Variants in GTPBP8 observed in about 807,000 individuals in gnomAD.
GTPBP8 encodes GTP binding protein 8, also known as GTP-binding protein 8.
GTPBP8 carries 21 observed loss-of-function variants against 27.3 expected under a neutral mutation model. The observed-to-expected ratio is 0.77, with a 90% CI of 0.55 to 1.11. The LOEUF (loss-of-function observed/expected upper bound fraction) is 1.11. Among genes scored for constraint, GTPBP8 ranks in the 50% least tolerant of loss-of-function variants. The pLI is 0.00. For synonymous variants in GTPBP8, 147 were observed against 135.3 expected (o/e 1.09, Z -0.60); for missense variants, 380 against 350.8 (o/e 1.08, Z -0.67).
In GTPBP8 at chr3:112,991,349, C is replaced by CT; in HGVS notation, c.336+15dup. 1 of 1,610,732 alleles carries CT rather than the reference C, an allele frequency of 6.2e-7. No individual in the cohort carries two copies. Among genetic ancestry groups the CT allele is most frequent in the Non-Finnish European group, 8.5e-7 (1 of 1,177,594 alleles). On this transcript the variant is annotated intron_variant, in intron 1 of 5. Transcript: ENST00000383678. ...CCGCGGCCAGAGGTGAGAGGCGATT[C>CT]TCACGGTTCACCTGCGCGCCGGCGT... is the stretch of plus-strand genomic sequence containing the variant.
At chr3:112,992,883 A>G in intron 1 of GTPBP8, 143 bp from the exon 2 acceptor site, 1 of 530,940 alleles carries the variant, frequency 1.9e-6, no homozygotes, top group East Asian at 3.2e-5. Flanking sequence ...ATAAGAAAAT[A>G]TATGCTGAAT....
At chr3:112,995,366 A>G in intron 3 of GTPBP8, 101 bp downstream of exon 3, 1 of 719,556 alleles carries the variant, frequency 1.4e-6, no homozygotes, top group Non-Finnish European at 2.3e-6. Context: ...GTTTTATCAA[A>G]TGACTTATTT....
chr3:112,994,094 T>C (rs1217868581), intron 2 of GTPBP8, among the ~76,000 whole-genome samples: 1 of 152,222 alleles, frequency 6.6e-6, no homozygotes, highest in Non-Finnish European at 1.5e-5. Flanking sequence ...TGATAATATT[T>C]GTTCTAAGAT....
chr3:112,997,671 T>C (rs137963292), intron 4 of GTPBP8, among the ~76,000 whole-genome samples: 3 of 152,326 alleles, frequency 2.0e-5, no homozygotes, highest in Non-Finnish European at 2.9e-5. Context: ...GCCACTAATA[T>C]GTAACAGTGG....
At chr3:112,999,619 TGTGG>T in intron 5 of GTPBP8, 55 bp downstream of exon 5, 1 of 747,314 alleles carries the variant, frequency 1.3e-6, no homozygotes, top group South Asian at 1.8e-5. Flanking sequence ...TTGAGAATGT[TGTGG>T]GTTTTTTTTT....
intron 4 of GTPBP8, among the ~76,000 whole-genome samples, chr3:112,999,154 T>C (rs1933843262): frequency 6.6e-6 from 1 of 152,240 alleles, no homozygotes; most frequent in African/African-American, 2.4e-5. Flanking sequence ...ATTGCAAATA[T>C]AACTCCAGGA....
At chr3:112,999,624 GT>G (rs557348814) in intron 5 of GTPBP8, 60 bp downstream of exon 5, 1,210 of 640,072 alleles carry the variant, frequency 1.9e-3, no homozygotes, top group Middle Eastern at 4.0e-3. Flanking sequence ...AATGTTGTGG[GT>G]TTTTTTTTTA....
rs565662521 is a variant in GTPBP8 at position 112,991,297 on chromosome 3, G to T, written c.298G>T (p.Val100Phe). The T allele has an allele frequency of 6.2e-7, 1 of 1,613,718 alleles. No homozygotes were observed. Among genetic ancestry groups the T allele is most frequent in the African/African-American group, 1.3e-5 (1 of 75,066 alleles). ...CCGCATCGACTACGTCAGCTCCGCC[G>T]TCCGTATCGACCACGCCCCGGACCT... ...RNRIDYVSSAVRIDHAPDLPR... is the reference protein window; with the variant it reads ...RNRIDYVSSAFRIDHAPDLPR... Residue 100 changes from valine to phenylalanine, a missense_variant, in exon 1 of 6, where the codon GTC (valine) becomes TTC (phenylalanine). By Grantham distance (50) the Val-to-Phe change is conservative. Coordinates refer to ENST00000383678, the MANE Select transcript of GTPBP8 (RefSeq NM_014170.4).
Position 112,990,985 on chromosome 3 carries a change from T to A in GTPBP8, c.-15T>A. The A allele has an allele frequency of 6.4e-7, 1 of 1,571,442 alleles. No individual in the cohort carries two copies. Among genetic ancestry groups the A allele is most frequent in the Non-Finnish European group, 8.6e-7 (1 of 1,157,632 alleles). The stretch of plus-strand genomic sequence containing the variant: ...CAGGAGTAAAATCTCTCTGCCCGTC[T>A]TCTGGGAAGGGAGAATGGCGGCGCC... On this transcript the variant is annotated 5_prime_UTR_variant, in exon 1 of 6. Transcript: ENST00000383678.
At chr3:112,993,550 T>A (rs1933726366) in intron 2 of GTPBP8, among the ~76,000 whole-genome samples, 2 of 152,260 alleles carry the variant, frequency 1.3e-5, no homozygotes, top group African/African-American at 4.8e-5. Context: ...CATATTCTTA[T>A]GTGCTTGTTT....
At chr3:113,000,246 A>G (rs1381622237) in intron 5 of GTPBP8, among the ~76,000 whole-genome samples, 1 of 152,078 alleles carries the variant, frequency 6.6e-6, no homozygotes, top group East Asian at 1.9e-4. Context: ...ATAAAAAAAA[A>G]AATTAGCCAG....
intron 2 of GTPBP8, 61 bp from the exon 3 acceptor site, chr3:112,995,074 T>A (rs1188682682): frequency 1.6e-6 from 2 of 1,255,140 alleles, no homozygotes; most frequent in African/African-American, 3.0e-5. Flanking sequence ...ACATTTTGAA[T>A]CATTAACTAG....
In GTPBP8 at chr3:112,999,428, A is replaced by G; in HGVS notation, c.667-18A>G. On this transcript the variant is annotated intron_variant, in intron 4 of 5. Transcript: ENST00000383678. ...GAACCACTTTATTTCTAATGCATAAAAATTTGTTTTCTTATAGATTGTATT... is the reference window on the plus strand; with the variant it reads ...GAACCACTTTATTTCTAATGCATAAGAATTTGTTTTCTTATAGATTGTATT... 1 of 913,880 alleles carries G rather than the reference A, an allele frequency of 1.1e-6. No individual in the cohort carries two copies. The highest frequency in any genetic ancestry group is 1.7e-6 in the Non-Finnish European group (1 of 587,824). 56.6% of individuals were successfully genotyped at this position (913,880 alleles called of 1,614,324 possible).
intron 3 of GTPBP8, 88 bp downstream of exon 3, chr3:112,995,353 TCA>T (rs1485780992): frequency 1.3e-6 from 1 of 770,750 alleles, no homozygotes; most frequent in Non-Finnish European, 2.1e-6. Flanking sequence ...GATTAACACT[TCA>T]GTTTTATCAA....
intron 3 of GTPBP8, 25 bp from the exon 4 acceptor site, chr3:112,996,867 A>G (rs1167013213): frequency 9.9e-7 from 1 of 1,008,390 alleles, no homozygotes; most frequent in Non-Finnish European, 1.6e-6. Flanking sequence ...TATTGCCATT[A>G]ATCTTCTTTT....
intron 3 of GTPBP8, among the ~76,000 whole-genome samples, chr3:112,995,913 T>G (rs1018240838): frequency 4.6e-5 from 7 of 152,232 alleles, no homozygotes; most frequent in Non-Finnish European, 7.3e-5. Flanking sequence ...CAGTAAATTC[T>G]GATCATTCTT....
chr3:112,995,960 T>C (rs914903335), intron 3 of GTPBP8, among the ~76,000 whole-genome samples: 2 of 152,224 alleles, frequency 1.3e-5, no homozygotes, highest in Admixed American at 6.5e-5. Context: ...GCAAATGATA[T>C]CTCTTTTTTG....
In GTPBP8 at chr3:112,995,717, A is replaced by G. The variant is rs543811591; in HGVS notation, c.566+452A>G. On this transcript the variant is annotated intron_variant, in intron 3 of 5. Transcript: ENST00000383678. ...ATGCCCGGCTCATTTTTGTATTTTT[A>G]GTAGAGACAGGGTTTCACTGTGTTG... 6.6e-5 allele frequency among the ~76,000 whole-genome samples: 10 copies of G among 152,092 alleles called. No homozygotes were observed. In the East Asian group the frequency reaches 1.7e-3, roughly 26 times the overall value.
At chr3:113,000,293 G>A (rs1018641923) in intron 5 of GTPBP8, among the ~76,000 whole-genome samples, 6 of 152,080 alleles carry the variant, frequency 3.9e-5, no homozygotes, top group Non-Finnish European at 5.9e-5. Context: ...AGCTGCTCGG[G>A]AGGCAGAGGT....
Sources: allele counts gnomAD v4.1 joint callset (sites outside exome capture counted in the v4.1 genomes callset), GRCh38; gene constraint gnomAD v4.1.1; transcripts MANE v1.5; gene names NCBI Gene and HGNC (gene_info 2026-07-23, HGNC 2026-07-21).